The following HDX variants were observed in gnomAD, a reference collection of about 807,000 sequenced individuals.
HDX encodes the protein chromosome X open reading frame 43.
A neutral mutation model predicts 45.2 loss-of-function variants in HDX; 19 were observed. The observed-to-expected ratio is 0.42, with a 90% CI of 0.29 to 0.62. HDX has a LOEUF of 0.62. Ranked by LOEUF, HDX falls within the 20% of genes least tolerant of loss-of-function variation. The probability of loss-of-function intolerance (pLI) is 0.20; values close to 1 mark genes in which losing one functional copy is unlikely to be tolerated. For missense variants in HDX, 532 were observed against 493.9 expected, an observed-to-expected ratio of 1.08 and a Z score of -0.73; for synonymous variants, 188 against 172.8, an observed-to-expected ratio of 1.09 and a Z score of -0.69.
chrX:84,426,168 G>A (rs2039380570), intron 5 of HDX, among the ~76,000 whole-genome samples: 1 of 110,670 alleles, frequency 9.0e-6, no homozygotes, highest in Non-Finnish European at 1.9e-5. Context: ...ACCATCACAA[G>A]TGGCGTGTAT....
chrX:84,483,619 G>A (rs902651448), intron 2 of HDX, among the ~76,000 whole-genome samples: 1 of 112,338 alleles, frequency 8.9e-6, no homozygotes, highest in Admixed American at 9.4e-5. Context: ...ATGGGCTTCC[G>A]TGAAGACCTC....
At chrX:84,392,254 T>C (rs1351033532) in intron 5 of HDX, among the ~76,000 whole-genome samples, 2 of 111,685 alleles carry the variant, frequency 1.8e-5, no homozygotes, top group African/African-American at 6.5e-5. Flanking sequence ...CTGGGTCCTC[T>C]TTTATGTCCC....
chrX:84,337,012 G>A (rs2036979337), intron 7 of HDX, 132 bp from the exon 8 acceptor site: 4 of 449,480 alleles, frequency 8.9e-6, no homozygotes, highest in Admixed American at 4.3e-5. Context: ...CACGTTTGAT[G>A]AGCAATTCTA....
intron 6 of HDX, among the ~76,000 whole-genome samples, chrX:84,352,327 C>T (rs1569289550): frequency 7.2e-5 from 8 of 111,776 alleles, no homozygotes; most frequent in Admixed American, 1.9e-4. Context: ...AAGTTTGAAA[C>T]ACATGAATTA....
chrX:84,408,499 G>GTTTTTTTTT lies in HDX; in HGVS notation c.1305+32024_1305+32032dup, dbSNP rs1220751208. On this transcript the variant is annotated intron_variant, in intron 5 of 10. Coordinates refer to ENST00000373177, the MANE Select transcript of HDX (RefSeq NM_001177479.2). ...TGCATAAAGTGATGCCTCCAGCTTT[G>GTTTTTTTTT]TTTTTTTTTTTTTTTTTTTTTTTGC... 3.8e-4 allele frequency among the ~76,000 whole-genome samples: 17 copies of GTTTTTTTTT among 44,431 alleles called. 3 individuals carry two copies. The highest frequency in any genetic ancestry group is 1.3e-3 in the Admixed American group (4 of 3,194). 38.6% of individuals were successfully genotyped at this position (44,431 alleles called of 115,157 possible).
At chrX:84,393,181 G>A (rs1293202296) in intron 5 of HDX, among the ~76,000 whole-genome samples, 1 of 111,445 alleles carries the variant, frequency 9.0e-6, no homozygotes, top group Admixed American at 9.6e-5. Flanking sequence ...TTATTATGTT[G>A]AGGTGCGTTC....
intron 10 of HDX, among the ~76,000 whole-genome samples, chrX:84,323,690 T>C (rs2036646742): frequency 8.9e-6 from 1 of 112,047 alleles, no homozygotes; most frequent in African/African-American, 3.2e-5. Context: ...TGGTCCACTT[T>C]AAAATTCTTC....
chrX:84,495,891 C>G (rs959635732), intron 1 of HDX, among the ~76,000 whole-genome samples: 1 of 111,312 alleles, frequency 9.0e-6, no homozygotes, highest in Admixed American at 9.5e-5. Context: ...CTTCTGGAAC[C>G]ATAAGATAAT....
chrX:84,497,666 AG>A (rs941891658), intron 1 of HDX, among the ~76,000 whole-genome samples: 3 of 102,827 alleles, frequency 2.9e-5, no homozygotes, highest in Admixed American at 1.1e-4. Context: ...AAAAGAAACT[AG>A]GGGAAAATAT....
At chrX:84,423,549 C>T (rs908685353) in intron 5 of HDX, among the ~76,000 whole-genome samples, 5 of 102,352 alleles carry the variant, frequency 4.9e-5, no homozygotes, top group Non-Finnish European at 9.9e-5. Context: ...TGAATATTGA[C>T]ACAAAAAATT....
intron 2 of HDX, among the ~76,000 whole-genome samples, chrX:84,486,805 T>G (rs1361391025): frequency 9.0e-6 from 1 of 111,208 alleles, no homozygotes; most frequent in Non-Finnish European, 1.9e-5. Flanking sequence ...GATTATTAAG[T>G]GTCTAGGCAT....
rs1252716116 is a variant in HDX, at chrX:84,468,814, A to T, written c.909T>A (p.Ala303=). 8.3e-7 allele frequency: 1 copy of T among 1,209,506 alleles called. No individual in the cohort carries two copies. Among genetic ancestry groups the T allele is most frequent in the Non-Finnish European group, 1.1e-6 (1 of 894,903 alleles). ...CTTCCTCTCTGGCATATTCATCCTC[A>T]GCATCTCCAGTCTCCATTGCAATGG... The part of the protein sequence containing the change: ...CLSIAMETGD[A]EDEYAREEEL... Residue 303 remains alanine, a synonymous_variant, in exon 4 of 11, where the codon GCT becomes GCA. Coordinates refer to ENST00000373177, the MANE Select transcript of HDX (RefSeq NM_001177479.2).
chrX:84,478,304 C>T (rs1330594733), intron 2 of HDX, among the ~76,000 whole-genome samples: 2 of 111,659 alleles, frequency 1.8e-5, no homozygotes, highest in Non-Finnish European at 3.8e-5. Context: ...ATGTTCTATT[C>T]AAACAAGCTG....
At chrX:84,415,190 AC>A (rs780765165) in intron 5 of HDX, among the ~76,000 whole-genome samples, 33 of 111,784 alleles carry the variant, frequency 3.0e-4, no homozygotes, top group African/African-American at 9.1e-4. Context: ...TCCCAAACAC[AC>A]CTTTTTTATA....
At chrX:84,376,703 T>G (rs2038065444) in intron 5 of HDX, among the ~76,000 whole-genome samples, 1 of 112,326 alleles carries the variant, frequency 8.9e-6, no homozygotes, top group African/African-American at 3.2e-5. Context: ...CATCTTGTAT[T>G]TCTTTTGCAC....
At chrX:84,404,009 C>T (rs2038762547) in intron 5 of HDX, 1 of 111,132 alleles carries the variant, frequency 9.0e-6, no homozygotes, top group African/African-American at 3.3e-5. Flanking sequence ...ATTTGAAGGG[C>T]TAAGCAGGTG....
intron 5 of HDX, among the ~76,000 whole-genome samples, chrX:84,435,960 T>C (rs2039619706): frequency 1.1e-5 from 1 of 90,108 alleles, no homozygotes. Flanking sequence ...ATCATGCTGC[T>C]ATAAAGACAC....
At chrX:84,476,333 GA>G (rs976025119) in intron 2 of HDX, among the ~76,000 whole-genome samples, 5 of 110,149 alleles carry the variant, frequency 4.5e-5, no homozygotes, top group Non-Finnish European at 9.5e-5. Flanking sequence ...AAAGTTGACA[GA>G]AAAAAATACC....
chrX:84,353,379 C>G (rs1342602013), intron 6 of HDX, among the ~76,000 whole-genome samples: 1 of 110,536 alleles, frequency 9.0e-6, no homozygotes, highest in Admixed American at 9.7e-5. Context: ...GAGAATGGGT[C>G]TCTCATAAAT....
Sources: allele counts gnomAD v4.1 joint callset (sites outside exome capture counted in the v4.1 genomes callset), GRCh38; gene constraint gnomAD v4.1.1; transcripts MANE v1.5; gene names NCBI Gene and HGNC (gene_info 2026-07-23, HGNC 2026-07-21).